MINK1: variants seen among roughly 807,000 people sequenced by gnomAD.
MINK1 encodes misshapen-like kinase 1.
Under a neutral mutation model 178.4 loss-of-function variants are expected in MINK1, and 46 were observed. That is an observed-to-expected ratio of 0.26 (90% confidence interval 0.20 to 0.33). MINK1 has a LOEUF of 0.33. MINK1 is among the 10% of genes least tolerant of loss of function. The pLI is 1.00. For missense variants in MINK1, 1,366 were observed against 1,814.9 expected, an observed-to-expected ratio of 0.75 and a Z score of 4.49; for synonymous variants, 797 against 709.7, an observed-to-expected ratio of 1.12 and a Z score of -1.96.
intron 1 of MINK1, chr17:4,860,725 G>A (rs1465711150): frequency 1.9e-6 from 1 of 519,924 alleles, no homozygotes; most frequent in Non-Finnish European, 3.8e-6. Context: ...CAAGGCTGGT[G>A]TGTGCCTGGT....
chr17:4,884,597 G>A, intron 5 of MINK1, 124 bp downstream of exon 5: 4 of 725,984 alleles, frequency 5.5e-6, no homozygotes, highest in Non-Finnish European at 9.4e-6. Context: ...CAGCAGGCCT[G>A]ATGCGGGTGG....
rs932565720 is a variant in MINK1, at chr17:4,889,737, G to C, written c.1321G>C (p.Glu441Gln). ...CATGCAGGCTCTGCGGCGGGAGGAG[G>C]AGCGGCGGCAGGCGGAGCGCGAGCA... ...EDMQALRREE[E>Q]RRQAEREQEY... is the part of the protein sequence containing the mutation. Residue 441 changes from glutamate to glutamine, a missense_variant, in exon 13 of 32, where the codon GAG (glutamate) becomes CAG (glutamine). Physicochemically the swap from Glu to Gln is conservative, Grantham distance 29 (BLOSUM62 2). Around this residue, in one of 14 missense-constraint regions of MINK1, gnomAD observed 87 missense variants for 78.9 expected, o/e 1.10. Coordinates refer to ENST00000355280, the MANE Select transcript of MINK1 (RefSeq NM_153827.5). The C allele has an allele frequency of 1.2e-5, 18 of 1,545,628 alleles. No individual in the cohort carries two copies. The highest frequency in any genetic ancestry group is 1.5e-5 in the Non-Finnish European group (17 of 1,148,330).
chr17:4,893,165 GAGA>G (rs1969041683), intron 20 of MINK1, 98 bp downstream of exon 20: 6 of 1,515,130 alleles, frequency 4.0e-6, no homozygotes, highest in Non-Finnish European at 5.4e-6. Context: ...CTGATCTACC[GAGA>G]AGGGCTGTGG....
Position 4,893,221 on chromosome 17 carries a change from A to C in MINK1, c.2400+154A>C, listed in dbSNP as rs940323463. ...CTTCTCATGGTGCTAACCTTTCCTA[A>C]CCTCTCTCCTAACCTCTCTCCTAAC... On this transcript the variant is annotated intron_variant, in intron 20 of 31. Coordinates refer to ENST00000355280, the MANE Select transcript of MINK1 (RefSeq NM_153827.5). 34 of 1,518,398 alleles carry C rather than the reference A, an allele frequency of 2.2e-5. No individual in the cohort carries two copies. In the Admixed American group the frequency reaches 4.1e-4, roughly 18 times the overall value. 94.1% of individuals were successfully genotyped at this position (1,518,398 alleles called of 1,614,324 possible).
At chr17:4,843,190 G>A (rs1011203008) in intron 1 of MINK1, among the ~76,000 whole-genome samples, 28 of 152,098 alleles carry the variant, frequency 1.8e-4, no homozygotes, top group African/African-American at 6.3e-4. Context: ...TCAGAAGTTG[G>A]TTTGGGCTGG....
chr17:4,853,448 GGAGTGTGGTTGGTGGGAA>G (rs1463242197), intron 1 of MINK1, among the ~76,000 whole-genome samples: 2 of 139,036 alleles, frequency 1.4e-5, no homozygotes, highest in African/African-American at 2.7e-5. Flanking sequence ...GTTGGTGGGG[GGAGTGTGGTTGGTGGGAA>G]GAGTGTGGTT....
intron 20 of MINK1, 148 bp downstream of exon 20, chr17:4,893,215 TTCCTAACCTCTCTCCTAACCTCTC>T (rs147352769): frequency 9.0e-5 from 143 of 1,593,272 alleles, no homozygotes; most frequent in Non-Finnish European, 9.8e-5. Context: ...GTGCTAACCT[TTCCTAACCTCTCTCCTAACCTCTC>T]TCCTAACCTC....
chr17:4,849,402 T>C (rs1178446405), intron 1 of MINK1, among the ~76,000 whole-genome samples: 2 of 152,102 alleles, frequency 1.3e-5, no homozygotes, highest in Non-Finnish European at 2.9e-5. Context: ...GGCACAGAAA[T>C]GTATAAAGAG....
At chr17:4,865,710 C>T (rs370783893) in intron 1 of MINK1, among the ~76,000 whole-genome samples, 4 of 125,020 alleles carry the variant, frequency 3.2e-5, no homozygotes, top group South Asian at 2.8e-4. Context: ...CAGGGAGACC[C>T]GTCTCTACCA....
At chr17:4,874,992 T>A in intron 1 of MINK1, 1 of 512,830 alleles carries the variant, frequency 1.9e-6, no homozygotes, top group South Asian at 1.4e-5. Flanking sequence ...GTATTTTCCC[T>A]CTTAGATTAG....
At chr17:4,871,180 AAT>A in intron 1 of MINK1, 2 of 168,118 alleles carry the variant, frequency 1.2e-5, no homozygotes, top group Admixed American at 7.0e-5. Flanking sequence ...TGTTTGTTTT[AAT>A]TTTTTTTTTT....
Position 4,887,830 on chromosome 17 carries a change from C to T in MINK1, c.1230+40C>T, listed in dbSNP as rs779235089. ...AAGGGCCCAGGCCTGGCGCGGCCTC[C>T]TCCTGACCTGCCCCGGGTCCATTAG... On this transcript the variant is annotated intron_variant, in intron 12 of 31. Transcript: ENST00000355280. This position sits in a 1 kb window ranked among gnomAD's most constrained non-coding sequence, Gnocchi z 7.6. The T allele has an allele frequency of 1.7e-5, 24 of 1,434,762 alleles. 1 individual carries two copies. The South Asian group carries it at 2.8e-4, about 17-fold the overall frequency. 88.9% of individuals were successfully genotyped at this position (1,434,762 alleles called of 1,614,324 possible). A position where few individuals can be genotyped will look rare whatever the true frequency, so the allele number is the denominator to read the frequency against.
intron 2 of MINK1, among the ~76,000 whole-genome samples, chr17:4,880,583 G>A (rs983515771): frequency 4.1e-4 from 61 of 147,458 alleles, no homozygotes; most frequent in African/African-American, 1.3e-3. Context: ...CACAGCGCCC[G>A]GCTGAGGGGC....
At chr17:4,873,617 CTT>C (rs71367860) in intron 1 of MINK1, among the ~76,000 whole-genome samples, 26 of 108,060 alleles carry the variant, frequency 2.4e-4, no homozygotes, top group African/African-American at 8.5e-4. Context: ...TTTTTCTTTT[CTT>C]TTTTTTTTTT....
chr17:4,880,965 A>G lies in MINK1; in HGVS notation c.124-19A>G. 1.4e-6 allele frequency: 2 copies of G among 1,479,902 alleles called. No individual in the cohort carries two copies. The highest frequency in any genetic ancestry group is 1.8e-6 in the Non-Finnish European group (2 of 1,119,182). The allele number at this position is 1,479,902 out of a possible 1,614,324, so 91.7% of individuals were successfully genotyped here. The stretch of plus-strand genomic sequence containing the variant: ...CGCTCCACCCTCTGAGCATAGACTC[A>G]GATCCCTCTGTCCCGCAGGGTCGGC... On this transcript the variant is annotated intron_variant, in intron 2 of 31. Coordinates refer to ENST00000355280, the MANE Select transcript of MINK1 (RefSeq NM_153827.5).
chr17:4,891,214 A>ACG, intron 15 of MINK1, 90 bp downstream of exon 15: 1 of 1,171,372 alleles, frequency 8.5e-7, no homozygotes, highest in Non-Finnish European at 1.2e-6. Context: ...ACACACACAC[A>ACG]CACACACACA....
At chr17:4,848,471 C>T (rs1464724315) in intron 1 of MINK1, among the ~76,000 whole-genome samples, 5 of 152,226 alleles carry the variant, frequency 3.3e-5, no homozygotes, top group Non-Finnish European at 7.3e-5. Flanking sequence ...TGCCATTCTC[C>T]TGCCTCAGCC....
At chr17:4,878,062 G>A (rs1460432736) in intron 1 of MINK1, among the ~76,000 whole-genome samples, 1 of 152,038 alleles carries the variant, frequency 6.6e-6, no homozygotes, top group South Asian at 2.1e-4. Flanking sequence ...CACCTGCCTC[G>A]GCCTCCCAAA....
At chr17:4,892,565 T>C (rs1171860756) in intron 18 of MINK1, 53 bp downstream of exon 18, 2 of 1,539,180 alleles carry the variant, frequency 1.3e-6, no homozygotes, top group East Asian at 2.3e-5. Context: ...GCCACCCGCT[T>C]CCCTGGTGAT....
Sources: gnomAD v4.1 joint callset for allele counts (sites outside exome capture counted in the v4.1 genomes callset) on GRCh38, gnomAD v4.1.1 for gene constraint, gnomAD v4.1.1 regional missense constraint, Gnocchi (gnomAD v3.1) non-coding constraint, MANE v1.5 for transcripts, NCBI Gene and HGNC (gene_info 2026-07-23, HGNC 2026-07-21) for gene names.